Variants in MACF1 observed in about 807,000 individuals in gnomAD.
MACF1 encodes microtubule-actin cross-linking factor 1.
A neutral mutation model predicts 854.8 loss-of-function variants in MACF1; 193 were observed. The ratio of observed to expected loss-of-function variants is 0.23; its 90% CI spans 0.20 to 0.25. The LOEUF (loss-of-function observed/expected upper bound fraction) is 0.25. Ranked by LOEUF, MACF1 falls within the 10% of genes least tolerant of loss-of-function variation. MACF1 has a pLI of 1.00. For synonymous variants in MACF1, 3,185 were observed against 3,226.7 expected (o/e 0.99, Z 0.44); for missense variants, 7,722 against 8,929.1 (o/e 0.86, Z 5.45).
At position 39,336,342 on chromosome 1, in the gene MACF1, G is replaced by A; in HGVS notation, c.9754G>A (p.Ala3252Thr). ...AAACCCTAATGTTGCAGGTCTAGAA[G>A]CAGGATCCATTGAGGACATAGTGAC... Reference protein sequence around the residue: ...MANPNVAGLEAGSIEDIVTQR... With the variant: ...MANPNVAGLETGSIEDIVTQR... Residue 3252 changes from alanine to threonine, a missense_variant, in exon 37 of 101, where the codon GCA becomes ACA. Transcript: ENST00000564288. 6.2e-7 allele frequency: 1 copy of A among 1,614,190 alleles called. No homozygotes were observed.
intron 78 of MACF1, 68 bp from the exon 79 acceptor site, chr1:39,443,378 T>C (rs967290077): frequency 2.6e-6 from 4 of 1,519,640 alleles, no homozygotes; most frequent in Non-Finnish European, 3.5e-6. Context: ...CCTCATATCA[T>C]TTGGAAAGTT....
intron 1 of MACF1, among the ~76,000 whole-genome samples, chr1:39,207,346 T>A (rs1246563281): frequency 6.6e-6 from 1 of 150,620 alleles, no homozygotes; most frequent in Non-Finnish European, 1.5e-5. Flanking sequence ...TGGAGCACAA[T>A]CCTGGCTCAC....
At chr1:39,197,210 A>G (rs1644330824) in intron 2 of MACF1, among the ~76,000 whole-genome samples, 4 of 151,774 alleles carry the variant, frequency 2.6e-5, no homozygotes, top group Non-Finnish European at 1.5e-5. Context: ...TCCTTCCAAC[A>G]TACATATATA....
chr1:39,188,024 C>T (rs1352209790), intron 2 of MACF1, among the ~76,000 whole-genome samples: 2 of 130,406 alleles, frequency 1.5e-5, no homozygotes, highest in Admixed American at 8.8e-5. Context: ...TTTCTTTTTT[C>T]CTCTGCATCC....
intron 2 of MACF1, among the ~76,000 whole-genome samples, chr1:39,138,866 T>C (rs1643253143): frequency 1.3e-5 from 2 of 152,120 alleles, no homozygotes; most frequent in African/African-American, 4.8e-5. Flanking sequence ...GGTTTTACCA[T>C]GTTGGCCAGG....
intron 58 of MACF1, among the ~76,000 whole-genome samples, chr1:39,404,498 C>A (rs999180269): frequency 3.0e-4 from 46 of 151,628 alleles, no homozygotes; most frequent in African/African-American, 8.9e-4. Flanking sequence ...ACAACAACAA[C>A]AAAAAAATTT....
At chr1:39,223,144 T>C (rs1328067145) in intron 1 of MACF1, among the ~76,000 whole-genome samples, 1 of 152,174 alleles carries the variant, frequency 6.6e-6, no homozygotes, top group Non-Finnish European at 1.5e-5. Context: ...AGGGGAGAGC[T>C]ATATTCACAG....
At position 39,450,919 on chromosome 1, in the gene MACF1, A is replaced by G. The variant is rs189210121; in HGVS notation, c.20259-133A>G. ...AGCCACCGCGCCCGGCCTTTACTGT[A>G]TTTCTAACTGTTCTAACATAGAAGT... On this transcript the variant is annotated intron_variant, in intron 84 of 100. Coordinates refer to ENST00000564288, the MANE Select transcript of MACF1 (RefSeq NM_001394062.1). 1.2e-3 allele frequency: 1,272 copies of G among 1,064,488 alleles called. 2 individuals are homozygous for G. The highest frequency in any genetic ancestry group is 1.4e-3 in the Non-Finnish European group (1,028 of 737,602). The allele number at this position is 1,064,488 out of a possible 1,614,324, so 65.9% of individuals were successfully genotyped here.
chr1:39,324,088 G>A (rs912855483), intron 33 of MACF1, 105 bp from the exon 34 acceptor site: 10 of 1,156,398 alleles, frequency 8.6e-6, no homozygotes, highest in Middle Eastern at 2.4e-4. Context: ...ACTTATTTAG[G>A]TAACTGTATC....
intron 58 of MACF1, among the ~76,000 whole-genome samples, chr1:39,416,308 A>G (rs918733675): frequency 1.2e-4 from 19 of 152,006 alleles, no homozygotes; most frequent in African/African-American, 4.6e-4. Context: ...TAGCCTGTAC[A>G]AAGTGAAGAC....
intron 2 of MACF1, among the ~76,000 whole-genome samples, chr1:39,135,380 G>T (rs1182941374): frequency 6.6e-6 from 1 of 152,056 alleles, no homozygotes. Flanking sequence ...CCGAGTAGCT[G>T]GGATTACAGG....
At chr1:39,164,271 C>T (rs1443280827) in intron 2 of MACF1, among the ~76,000 whole-genome samples, 1 of 152,194 alleles carries the variant, frequency 6.6e-6, no homozygotes, top group Non-Finnish European at 1.5e-5. Context: ...GGTCTTAATA[C>T]ATATATTCAA....
intron 6 of MACF1, among the ~76,000 whole-genome samples, chr1:39,274,051 TA>T (rs1645384559): frequency 6.6e-6 from 1 of 152,120 alleles, no homozygotes; most frequent in Admixed American, 6.5e-5. Flanking sequence ...TTTATCATAA[TA>T]GGGGAAGGGT....
intron 2 of MACF1, among the ~76,000 whole-genome samples, chr1:39,137,290 G>A (rs1288914146): frequency 2.0e-5 from 3 of 152,128 alleles, no homozygotes; most frequent in Non-Finnish European, 2.9e-5. Flanking sequence ...GGCTGGTCTC[G>A]AACTTCTGGC....
intron 41 of MACF1, among the ~76,000 whole-genome samples, chr1:39,348,325 G>C (rs1409405497): frequency 6.6e-6 from 1 of 152,184 alleles, no homozygotes; most frequent in African/African-American, 2.4e-5. Flanking sequence ...ACAAGACCCA[G>C]CCCAGATTCA....
chr1:39,247,915 G>A lies in MACF1; in HGVS notation c.172-2099G>A, dbSNP rs528144697. On this transcript the variant is annotated intron_variant, in intron 2 of 100. Coordinates refer to ENST00000564288, the MANE Select transcript of MACF1 (RefSeq NM_001394062.1). ...TGCGCACCTGTAATCCCAGCTACTC[G>A]GGAGGCTGAGGCAGGAGAATCACTT... is the stretch of plus-strand genomic sequence containing the variant. Among the ~76,000 whole-genome samples, 338 of 152,230 alleles carry A rather than the reference G, an allele frequency of 2.2e-3. 4 individuals are homozygous for A. The highest frequency in any genetic ancestry group is 0.017 in the South Asian group (84 of 4,820).
rs1371524926 is a variant in MACF1, at chr1:39,422,882, A to C, written c.16131A>C (p.Ala5377=). 1.9e-6 allele frequency: 3 copies of C among 1,614,082 alleles called. No homozygotes were observed. In the Admixed American group the frequency reaches 5.0e-5, roughly 27 times the overall value. Residue 5377 remains alanine, a synonymous_variant, in exon 60 of 101, where the codon GCA becomes GCC. Coordinates refer to ENST00000564288, the MANE Select transcript of MACF1 (RefSeq NM_001394062.1). ...PPSAEYKVVK[A]QIQEQKLLQR... is the part of the protein sequence containing the mutation. ...CTGCTGAGTATAAAGTGGTGAAAGC[A>C]CAGATCCAAGAACAGAAGGTAAGTG...
chr1:39,269,376 A>C (rs758500972), intron 6 of MACF1: 73 of 1,289,728 alleles, frequency 5.7e-5, no homozygotes, highest in Non-Finnish European at 6.8e-5. Flanking sequence ...GGAAGGAACC[A>C]AGAGTGTTTC....
In MACF1 at chr1:39,447,355, G is replaced by A; in HGVS notation, c.19606-77G>A. ...TCATTTCATTTGTTGTACAATTCAT[G>A]CCTTTGTCGCTGAGCCTATAATTCC... On this transcript the variant is annotated intron_variant, in intron 80 of 100. Transcript: ENST00000564288. The A allele has an allele frequency of 2.2e-6, 3 of 1,359,948 alleles. No homozygotes were observed. The South Asian group carries it at 3.8e-5, about 17-fold the overall frequency. 84.2% of individuals were successfully genotyped at this position (1,359,948 alleles called of 1,614,324 possible). A position where few individuals can be genotyped will look rare whatever the true frequency, so the allele number is the denominator to read the frequency against.
Sources: allele counts gnomAD v4.1 joint callset (sites outside exome capture counted in the v4.1 genomes callset), GRCh38; gene constraint gnomAD v4.1.1; transcripts MANE v1.5; gene names NCBI Gene and HGNC (gene_info 2026-07-23, HGNC 2026-07-21).